The following CWC27 variants were observed in gnomAD, a reference collection of about 807,000 sequenced individuals.
The protein encoded by CWC27 is spliceosome-associated protein CWC27 homolog.
A neutral mutation model predicts 63.6 loss-of-function variants in CWC27; 47 were observed. The ratio of observed to expected loss-of-function variants is 0.74; its 90% confidence interval spans 0.58 to 0.94. The LOEUF (loss-of-function observed/expected upper bound fraction) is 0.94. Among genes scored for constraint, CWC27 ranks in the 40% least tolerant of loss-of-function variants. CWC27 has a pLI of 0.00. For synonymous variants in CWC27, 175 were observed against 179.8 expected (o/e 0.97, Z 0.22); for missense variants, 495 against 554.3 (o/e 0.89, Z 1.07).
intron 13 of CWC27, among the ~76,000 whole-genome samples, chr5:64,995,799 A>G (rs1442452334): frequency 6.6e-6 from 1 of 152,222 alleles, no homozygotes; most frequent in African/African-American, 2.4e-5. Context: ...ACTGTTCTAC[A>G]CTTATATTTT....
At position 64,999,669 on chromosome 5, in the gene CWC27, A is replaced by G. The variant is rs556883167; in HGVS notation, c.1257-18490A>G. On this transcript the variant is annotated intron_variant, in intron 13 of 13. Transcript: ENST00000381070. ...GTGTTGCTAAAAATGACAGGATTTC[A>G]TTCTTTTTTTATGGCCAAATGGTAT... 1.8e-4 allele frequency among the ~76,000 whole-genome samples: 27 copies of G among 152,162 alleles called. No homozygotes were observed. The South Asian group carries it at 3.9e-3, about 22-fold the overall frequency.
chr5:64,885,134 G>A (rs139037109), intron 10 of CWC27, among the ~76,000 whole-genome samples: 1,661 of 152,016 alleles, frequency 0.011, 11 homozygotes, highest in Non-Finnish European at 0.017. Flanking sequence ...CAGTATCTCC[G>A]TAAATTATTA....
intron 11 of CWC27, among the ~76,000 whole-genome samples, chr5:64,891,002 C>T (rs866590651): frequency 2.6e-5 from 4 of 152,020 alleles, no homozygotes; most frequent in African/African-American, 7.3e-5. Flanking sequence ...AAGAGGTGAT[C>T]GCCAACCAGC....
chr5:64,779,337 C>A (rs1450239634), intron 2 of CWC27, among the ~76,000 whole-genome samples: 2 of 152,180 alleles, frequency 1.3e-5, no homozygotes, highest in Non-Finnish European at 2.9e-5. Context: ...TTGGCTCAAC[C>A]ACAACCTGCT....
chr5:64,916,839 A>G (rs560694082), intron 11 of CWC27, among the ~76,000 whole-genome samples: 57 of 152,216 alleles, frequency 3.7e-4, no homozygotes, highest in African/African-American at 1.4e-3. Context: ...TATGTAAAGT[A>G]TGTAACCTCT....
chr5:65,015,066 GCT>G (rs1482741514), intron 13 of CWC27, among the ~76,000 whole-genome samples: 2 of 152,202 alleles, frequency 1.3e-5, no homozygotes, highest in African/African-American at 4.8e-5. Context: ...TTAACTCACG[GCT>G]CTCTGCTTTT....
In CWC27 at chr5:64,786,878, A is replaced by T. The variant is rs147048868; in HGVS notation, c.599+251A>T. On this transcript the variant is annotated intron_variant, in intron 6 of 13. Coordinates refer to ENST00000381070, the MANE Select transcript of CWC27 (RefSeq NM_005869.4). ...AGTCCGTTTTCACACTGCTATAAAG[A>T]TATACCTGAGACAGGGTAATTCATA... Among the ~76,000 whole-genome samples the T allele has an allele frequency of 1.1e-4, 16 of 152,300 alleles. No individual in the cohort carries two copies. In the East Asian group the frequency reaches 2.3e-3, roughly 22 times the overall value.
At chr5:64,920,836 TTC>T (rs1274260515) in intron 11 of CWC27, among the ~76,000 whole-genome samples, 1 of 152,166 alleles carries the variant, frequency 6.6e-6, no homozygotes, top group Admixed American at 6.5e-5. Flanking sequence ...TATTTGGATC[TTC>T]TCTCTTTTTT....
intron 3 of CWC27, among the ~76,000 whole-genome samples, chr5:64,783,177 T>C (rs751312259): frequency 1.3e-5 from 2 of 152,190 alleles, no homozygotes; most frequent in African/African-American, 4.8e-5. Context: ...ACTACATTTA[T>C]AAATGAGTTC....
chr5:65,000,288 T>G (rs1342467760), intron 13 of CWC27, among the ~76,000 whole-genome samples: 1 of 152,086 alleles, frequency 6.6e-6, no homozygotes, highest in Non-Finnish European at 1.5e-5. Context: ...ACAGGTTGTC[T>G]CTTTACTCTG....
rs1480770088 is a variant in CWC27, at chr5:64,935,368, C to T, written c.1043-36335C>T. On this transcript the variant is annotated intron_variant, in intron 11 of 13. Transcript: ENST00000381070. ...CATTTATTAAATAGGGAATCCTTTCCCCATTGCTTGTTTTCATCAGGTTTA... is the reference window on the plus strand; with the variant it reads ...CATTTATTAAATAGGGAATCCTTTCTCCATTGCTTGTTTTCATCAGGTTTA... Among the ~76,000 whole-genome samples, 3 of 152,114 alleles carry T rather than the reference C, an allele frequency of 2.0e-5. No individual in the cohort carries two copies. In the East Asian group the frequency reaches 5.8e-4, roughly 29 times the overall value.
intron 10 of CWC27, among the ~76,000 whole-genome samples, chr5:64,810,309 A>T (rs987419644): frequency 6.6e-6 from 1 of 152,162 alleles, no homozygotes; most frequent in East Asian, 1.9e-4. Flanking sequence ...TTTATAATAC[A>T]TTTTAAAATC....
chr5:64,879,219 T>C (rs1385378729), intron 10 of CWC27, among the ~76,000 whole-genome samples: 1 of 151,988 alleles, frequency 6.6e-6, no homozygotes, highest in Non-Finnish European at 1.5e-5. Flanking sequence ...TTGGTGTTCG[T>C]TGAGGAGCTA....
chr5:64,894,671 CT>C (rs1436797176), intron 11 of CWC27, among the ~76,000 whole-genome samples: 1 of 152,108 alleles, frequency 6.6e-6, no homozygotes, highest in Non-Finnish European at 1.5e-5. Context: ...ACAAAAATAT[CT>C]TTTGATATGT....
At chr5:64,957,405 C>T (rs1020872481) in intron 11 of CWC27, among the ~76,000 whole-genome samples, 2 of 152,054 alleles carry the variant, frequency 1.3e-5, no homozygotes, top group Non-Finnish European at 2.9e-5. Flanking sequence ...CGGATCACAC[C>T]ATCTGCAGAA....
At chr5:65,013,625 G>C (rs1040782641) in intron 13 of CWC27, among the ~76,000 whole-genome samples, 2 of 152,156 alleles carry the variant, frequency 1.3e-5, no homozygotes, top group Non-Finnish European at 2.9e-5. Flanking sequence ...AGTCTAATAT[G>C]ATAACCAGTA....
At chr5:64,858,594 A>G (rs1276007087) in intron 10 of CWC27, among the ~76,000 whole-genome samples, 2 of 152,128 alleles carry the variant, frequency 1.3e-5, no homozygotes, top group Non-Finnish European at 2.9e-5. Context: ...CAATGTTTTA[A>G]GTGAACAAAA....
chr5:64,868,228 A>G (rs575062873), intron 10 of CWC27, among the ~76,000 whole-genome samples: 1 of 152,190 alleles, frequency 6.6e-6, no homozygotes, highest in African/African-American at 2.4e-5. Flanking sequence ...AACTGCAACA[A>G]TGAAAGAACA....
chr5:64,976,330 G>C (rs1334716363), intron 12 of CWC27, among the ~76,000 whole-genome samples: 3 of 151,906 alleles, frequency 2.0e-5, no homozygotes, highest in Non-Finnish European at 4.4e-5. Flanking sequence ...GCTTTCTAAA[G>C]ACATTCCAAT....
Sources: gnomAD v4.1 joint callset for allele counts (sites outside exome capture counted in the v4.1 genomes callset) on GRCh38, gnomAD v4.1.1 for gene constraint, MANE v1.5 for transcripts, NCBI Gene and HGNC (gene_info 2026-07-23, HGNC 2026-07-21) for gene names.